The following B4GALNT3 variants were observed in gnomAD, a reference collection of about 807,000 sequenced individuals.
B4GALNT3 encodes the protein beta-1,4-N-acetyl-galactosaminyltransferase 3.
Under a neutral mutation model 120.2 loss-of-function variants are expected in B4GALNT3, and 86 were observed. The observed-to-expected ratio is 0.72, with a 90% CI of 0.60 to 0.86. The LOEUF (loss-of-function observed/expected upper bound fraction) is 0.86. Among genes scored for constraint, B4GALNT3 ranks in the 40% least tolerant of loss-of-function variants. The pLI, the probability that B4GALNT3 is intolerant of heterozygous loss-of-function variation, is 0.00. For synonymous variants in B4GALNT3, 518 were observed against 510.4 expected, an observed-to-expected ratio of 1.01 and a Z score of -0.20; for missense variants, 1,167 against 1,298.9, an observed-to-expected ratio of 0.90 and a Z score of 1.56.
intron 3 of B4GALNT3, 77 bp downstream of exon 3, chr12:536,372 A>G: frequency 1.6e-6 from 2 of 1,286,288 alleles, no homozygotes; most frequent in Non-Finnish European, 2.2e-6. Flanking sequence ...GAGATCACAG[A>G]AAACTTTCTA....
intron 1 of B4GALNT3, among the ~76,000 whole-genome samples, chr12:485,570 G>A (rs894365077): frequency 2.6e-5 from 4 of 152,150 alleles, no homozygotes; most frequent in East Asian, 1.9e-4. Flanking sequence ...CCAAGGCTTC[G>A]GCTGGCGACT....
At chr12:491,489 C>T (rs1011745299) in intron 1 of B4GALNT3, among the ~76,000 whole-genome samples, 3 of 151,696 alleles carry the variant, frequency 2.0e-5, no homozygotes, top group Admixed American at 6.6e-5. Flanking sequence ...ACCATCATGC[C>T]CAGCTAATTT....
rs189172143 is a variant in B4GALNT3 at position 507,400 on chromosome 12, C to T, written c.170-27766C>T. Among the ~76,000 whole-genome samples, 502 of 152,314 alleles carry T rather than the reference C, an allele frequency of 3.3e-3. 3 individuals carry two copies. Among genetic ancestry groups the T allele is most frequent in the African/African-American group, 0.011 (478 of 41,570 alleles). ...TTTACACTGCCCTTGGCACAGAGCCCCCGTCTGGAAGTGTCACTGGGCCTG... is the reference window on the plus strand; with the variant it reads ...TTTACACTGCCCTTGGCACAGAGCCTCCGTCTGGAAGTGTCACTGGGCCTG... On this transcript the variant is annotated intron_variant, in intron 1 of 19. Transcript: ENST00000266383.
intron 1 of B4GALNT3, among the ~76,000 whole-genome samples, chr12:516,153 A>G (rs1358032863): frequency 2.0e-5 from 3 of 152,182 alleles, no homozygotes; most frequent in Non-Finnish European, 4.4e-5. Flanking sequence ...CTCAAAAAAA[A>G]AAAAAAAAAT....
At chr12:552,988 T>G in intron 13 of B4GALNT3, 3 of 669,490 alleles carry the variant, frequency 4.5e-6, no homozygotes, top group South Asian at 3.8e-5. Context: ...AGATGCAGTA[T>G]TATTCCCTTT....
chr12:555,238 A>G (rs1947138728), intron 14 of B4GALNT3: 4 of 398,126 alleles, frequency 1.0e-5, no homozygotes, highest in South Asian at 1.8e-5. Context: ...GTTACTTCCC[A>G]TTCCTCCTCC....
chr12:532,716 G>A (rs1004318704), intron 1 of B4GALNT3, among the ~76,000 whole-genome samples: 4 of 152,154 alleles, frequency 2.6e-5, no homozygotes, highest in Non-Finnish European at 5.9e-5. Flanking sequence ...GTAGGCCCAG[G>A]ACAGGGCCCA....
chr12:527,116 C>T (rs760942259), intron 1 of B4GALNT3, among the ~76,000 whole-genome samples: 3 of 151,984 alleles, frequency 2.0e-5, no homozygotes, highest in Admixed American at 6.6e-5. Flanking sequence ...TTTAAAGAAA[C>T]GAGGTTTCAC....
At chr12:560,011 C>T (rs1947209174) in intron 19 of B4GALNT3, among the ~76,000 whole-genome samples, 2 of 152,154 alleles carry the variant, frequency 1.3e-5, no homozygotes, top group Admixed American at 1.3e-4. Context: ...AAGCTGCTGC[C>T]TTGGCAGGTG....
intron 1 of B4GALNT3, among the ~76,000 whole-genome samples, chr12:530,277 T>C (rs1453663252): frequency 6.6e-6 from 1 of 152,248 alleles, no homozygotes; most frequent in Non-Finnish European, 1.5e-5. Context: ...AGCTAGTTAG[T>C]CCTGGGCCTT....
chr12:497,195 C>T (rs893288995), intron 1 of B4GALNT3, among the ~76,000 whole-genome samples: 2 of 151,592 alleles, frequency 1.3e-5, no homozygotes, highest in African/African-American at 4.9e-5. Context: ...CTCTTGTTGC[C>T]CAGGCTGGAG....
intron 3 of B4GALNT3, among the ~76,000 whole-genome samples, chr12:538,560 CAA>C (rs771053015): frequency 3.7e-4 from 24 of 64,044 alleles, no homozygotes; most frequent in East Asian, 1.3e-3. Flanking sequence ...AACCCCATCT[CAA>C]AAAAAAAAAA....
At chr12:522,435 T>C (rs1394841396) in intron 1 of B4GALNT3, among the ~76,000 whole-genome samples, 1 of 152,220 alleles carries the variant, frequency 6.6e-6, no homozygotes, top group Non-Finnish European at 1.5e-5. Context: ...ATGATTCCAC[T>C]TCTGTGAGGT....
chr12:535,211 A>G lies in B4GALNT3; in HGVS notation c.215A>G (p.Asn72Ser), dbSNP rs766319922. ...CTGGCCAAGGCTCTGGCCAGCAGGA[A>G]CATTCCAGCTGTGGATCCACACCTC... Reference protein sequence around the residue: ...RELAKALASRNIPAVDPHLQF... With the variant: ...RELAKALASRSIPAVDPHLQF... The change falls in exon 2 of 20, where the codon AAC (asparagine) becomes AGC (serine). Residue 72 changes from asparagine (N) to serine (S), a missense_variant. This residue lies in a region of B4GALNT3 where 171 missense variants were observed against 161.3 expected (regional missense o/e 1.06). Coordinates refer to ENST00000266383, the MANE Select transcript of B4GALNT3 (RefSeq NM_173593.4). 8.7e-6 allele frequency: 14 copies of G among 1,613,928 alleles called. No individual in the cohort carries two copies. The East Asian group carries it at 1.1e-4, about 13-fold the overall frequency.
intron 1 of B4GALNT3, among the ~76,000 whole-genome samples, chr12:511,586 TCCACCTTCCGC>T (rs1357085958): frequency 9.7e-5 from 13 of 134,570 alleles, no homozygotes; most frequent in Non-Finnish European, 1.6e-5. Flanking sequence ...TCTTCCACCT[TCCACCTTCCGC>T]CTTCCACCTT....
intron 14 of B4GALNT3, 38 bp downstream of exon 14, chr12:554,021 C>T (rs763444488): frequency 2.1e-5 from 30 of 1,440,428 alleles, no homozygotes; most frequent in Non-Finnish European, 2.8e-5. Context: ...GGGACTGGGG[C>T]ACGTGGCAGC....
chr12:498,997 A>G (rs1176957509), intron 1 of B4GALNT3, among the ~76,000 whole-genome samples: 3 of 152,196 alleles, frequency 2.0e-5, no homozygotes, highest in African/African-American at 7.2e-5. Flanking sequence ...ATCTGGGGAC[A>G]GGATAATGGA....
chr12:504,288 A>AAC (rs1171289483), intron 1 of B4GALNT3, among the ~76,000 whole-genome samples: 1 of 147,328 alleles, frequency 6.8e-6, no homozygotes, highest in East Asian at 2.0e-4. Context: ...ATAAAAAAAA[A>AAC]ACAAAAACAA....
At chr12:530,171 G>A (rs2120648637) in intron 1 of B4GALNT3, among the ~76,000 whole-genome samples, 1 of 152,402 alleles carries the variant, frequency 6.6e-6, no homozygotes, top group Admixed American at 6.5e-5. Flanking sequence ...AAAATGCCCT[G>A]TTGGGCATTG....
Sources: allele counts gnomAD v4.1 joint callset (sites outside exome capture counted in the v4.1 genomes callset), GRCh38; gene constraint gnomAD v4.1.1; regional missense constraint gnomAD v4.1.1; transcripts MANE v1.5; gene names NCBI Gene and HGNC (gene_info 2026-07-23, HGNC 2026-07-21).